MTIF2: variants seen among roughly 807,000 people sequenced by gnomAD.
The protein encoded by MTIF2 is mitochondrial translational initiation factor 2, also known as translation initiation factor IF-2, mitochondrial.
A neutral mutation model predicts 83.5 loss-of-function variants in MTIF2; 71 were observed. The ratio of observed to expected loss-of-function variants is 0.85; its 90% CI spans 0.70 to 1.04. MTIF2 has a LOEUF of 1.04. Ranked by LOEUF, MTIF2 falls within the 50% of genes least tolerant of loss-of-function variation. MTIF2 has a pLI of 0.00. For synonymous variants in MTIF2, 319 were observed against 287.1 expected, an observed-to-expected ratio of 1.11 and a Z score of -1.12; for missense variants, 957 against 846.5, an observed-to-expected ratio of 1.13 and a Z score of -1.62.
At chr2:55,250,389 G>GA (rs1677010148) in intron 8 of MTIF2, among the ~76,000 whole-genome samples, 1 of 144,970 alleles carries the variant, frequency 6.9e-6, no homozygotes, top group Non-Finnish European at 1.5e-5. Flanking sequence ...CTAAAAGCAA[G>GA]ATCAGTAAGT....
intron 7 of MTIF2, among the ~76,000 whole-genome samples, chr2:55,253,398 G>A (rs1203994428): frequency 1.3e-5 from 2 of 152,178 alleles, no homozygotes; most frequent in Non-Finnish European, 2.9e-5. Context: ...ACAATTTTCA[G>A]CCAGGCGCGG....
At chr2:55,255,070 C>A (rs568298062) in intron 5 of MTIF2, among the ~76,000 whole-genome samples, 1 of 151,814 alleles carries the variant, frequency 6.6e-6, no homozygotes, top group African/African-American at 2.4e-5. Context: ...GTATTCTAAG[C>A]CATCTGAATC....
At chr2:55,242,018 C>T (rs1310024460) in intron 13 of MTIF2, among the ~76,000 whole-genome samples, 21 of 149,930 alleles carry the variant, frequency 1.4e-4, no homozygotes, top group African/African-American at 4.9e-4. Context: ...TGGTGGTGCA[C>T]GCCTATAATC....
rs371808645 is a variant in MTIF2, at chr2:55,243,591, T to C, written c.1389A>G (p.Ile463Met). ...CTTTGTGTTCCTTTCGCTTTTCTTC[T>C]ATTATTTTCAGATCCTCCTGACCTT... ...QEKGQEDLKI[I>M]EEKRKEHKEA... is the part of the protein sequence containing the mutation. The change falls in exon 12 of 16, where the codon ATA (isoleucine) becomes ATG (methionine). Residue 463 changes from isoleucine (I) to methionine (M), a missense_variant. Ile to Met is a conservative substitution (Grantham distance 10, BLOSUM62 1). This residue lies in a region of MTIF2 where 733 missense variants were observed against 648.7 expected (regional missense o/e 1.13). Coordinates refer to ENST00000263629, the MANE Select transcript of MTIF2 (RefSeq NM_002453.3). The C allele has an allele frequency of 9.7e-5, 156 of 1,614,020 alleles. No individual in the cohort carries two copies. The highest frequency in any genetic ancestry group is 1.3e-4 in the Non-Finnish European group (151 of 1,180,016).
intron 5 of MTIF2, among the ~76,000 whole-genome samples, chr2:55,261,960 A>G (rs1018028529): frequency 2.6e-5 from 4 of 151,152 alleles, no homozygotes; most frequent in Non-Finnish European, 5.9e-5. Context: ...AAAAAAAGAA[A>G]GAAAAAAGAA....
intron 5 of MTIF2, among the ~76,000 whole-genome samples, chr2:55,260,664 G>A (rs1677899088): frequency 6.6e-6 from 1 of 152,064 alleles, no homozygotes; most frequent in African/African-American, 2.4e-5. Flanking sequence ...TGGAAATAGT[G>A]GGTAATTACT....
In MTIF2 at chr2:55,257,363, C is replaced by A. The variant is rs192410696; in HGVS notation, c.332-2538G>T. On this transcript the variant is annotated intron_variant, in intron 5 of 15. Coordinates refer to ENST00000263629, the MANE Select transcript of MTIF2 (RefSeq NM_002453.3). Reference sequence around the variant, plus strand: ...GGGCATGGTGGCACGCACCTGTAATCCCAGCTGCTCCAGAGGTTAAAGCAG... The same window carrying A: ...GGGCATGGTGGCACGCACCTGTAATACCAGCTGCTCCAGAGGTTAAAGCAG... 7.2e-3 allele frequency among the ~76,000 whole-genome samples: 1,097 copies of A among 152,178 alleles called. 12 individuals are homozygous for A. Among genetic ancestry groups the A allele is most frequent in the Non-Finnish European group, 0.011 (732 of 67,996 alleles).
At chr2:55,241,605 G>A (rs1008258443) in intron 13 of MTIF2, among the ~76,000 whole-genome samples, 6 of 152,170 alleles carry the variant, frequency 3.9e-5, no homozygotes, top group African/African-American at 1.4e-4. Flanking sequence ...GACTTTGGGA[G>A]GCCGAGGTGG....
In MTIF2 at chr2:55,243,559, T is replaced by C; in HGVS notation, c.1421A>G (p.His474Arg). 1 of 1,614,164 alleles carries C rather than the reference T, an allele frequency of 6.2e-7. No homozygotes were observed. The change falls in exon 12 of 16, where the codon CAT becomes CGT. Residue 474 changes from histidine to arginine, a missense_variant. Physicochemically the swap from His to Arg is conservative, Grantham distance 29. Coordinates refer to ENST00000263629, the MANE Select transcript of MTIF2 (RefSeq NM_002453.3). ...EEKRKEHKEA[H>R]QKAREKYGHL... Reference sequence around the variant, plus strand: ...GCCATACTTCTCACGGGCTTTCTGATGTGCTTCTTTGTGTTCCTTTCGCTT... The same window carrying C: ...GCCATACTTCTCACGGGCTTTCTGACGTGCTTCTTTGTGTTCCTTTCGCTT...
intron 3 of MTIF2, among the ~76,000 whole-genome samples, chr2:55,264,112 A>G (rs1420513488): frequency 2.0e-5 from 3 of 152,228 alleles, no homozygotes; most frequent in Non-Finnish European, 2.9e-5. Context: ...TTGAAATACA[A>G]TAACAACTTG....
intron 9 of MTIF2, among the ~76,000 whole-genome samples, chr2:55,246,794 T>G (rs547055054): frequency 1.3e-5 from 2 of 152,320 alleles, no homozygotes; most frequent in Admixed American, 6.5e-5. Flanking sequence ...AATGCTTCAT[T>G]CATTTTCTTT....
Position 55,237,366 on chromosome 2 carries a change from C to T in MTIF2, c.1933G>A (p.Gly645Ser), listed in dbSNP as rs765578165. The T allele has an allele frequency of 1.9e-5, 31 of 1,612,806 alleles. No individual in the cohort carries two copies. Among genetic ancestry groups the T allele is most frequent in the Non-Finnish European group, 1.9e-5 (23 of 1,179,882 alleles). Reference protein sequence around the residue: ...TEGKKKVPVAGCRVQKGQLEK... With the variant: ...TEGKKKVPVASCRVQKGQLEK... The stretch of plus-strand genomic sequence containing the variant: ...AACTGTCCCTTTTGGACTCTGCAGC[C>T]AGCCACAGGAACTTTTTTCTTCCCT... The change falls in exon 15 of 16, where the codon GGC becomes AGC. Residue 645 changes from glycine (G) to serine (S), a missense_variant. Around this residue, in one of 3 missense-constraint regions of MTIF2, gnomAD observed 221 missense variants for 180.6 expected, o/e 1.22. Coordinates refer to ENST00000263629, the MANE Select transcript of MTIF2 (RefSeq NM_002453.3).
chr2:55,266,681 T>C (rs1256684420), intron 3 of MTIF2, among the ~76,000 whole-genome samples: 1 of 149,630 alleles, frequency 6.7e-6, no homozygotes, highest in Non-Finnish European at 1.5e-5. Context: ...ATGATAATAG[T>C]TATTTGATGT....
intron 15 of MTIF2, 36 bp downstream of exon 15, chr2:55,237,252 G>A: frequency 6.3e-7 from 1 of 1,589,146 alleles, no homozygotes. Context: ...CTTGGTGACT[G>A]GATATGCTAT....
intron 2 of MTIF2, among the ~76,000 whole-genome samples, chr2:55,268,055 C>A (rs575200608): frequency 6.6e-6 from 1 of 151,996 alleles, no homozygotes; most frequent in Non-Finnish European, 1.5e-5. Flanking sequence ...GAGTTCGAGA[C>A]CAGCCTGGCC....
At chr2:55,254,465 A>T (rs991972024) in intron 6 of MTIF2, among the ~76,000 whole-genome samples, 189 bp downstream of exon 6, 4 of 152,232 alleles carry the variant, frequency 2.6e-5, no homozygotes, top group African/African-American at 9.6e-5. Flanking sequence ...GCAAATTTTT[A>T]AAAAATCCTT....
chr2:55,263,091 G>A lies in MTIF2; in HGVS notation c.219+549C>T, dbSNP rs112549445. ...TTGGCCAGGACGGTCTCGAACTCTT[G>A]ACCTTGTGATCTGCCCACCTTGGCC... On this transcript the variant is annotated intron_variant, in intron 4 of 15. Coordinates refer to ENST00000263629, the MANE Select transcript of MTIF2 (RefSeq NM_002453.3). Among the ~76,000 whole-genome samples the A allele has an allele frequency of 8.1e-3, 1,230 of 152,248 alleles. 18 individuals are homozygous for A. The highest frequency in any genetic ancestry group is 0.028 in the African/African-American group (1,168 of 41,542).
chr2:55,240,363 C>T (rs1274781738), intron 13 of MTIF2, among the ~76,000 whole-genome samples, 188 bp from the exon 14 acceptor site: 2 of 152,138 alleles, frequency 1.3e-5, no homozygotes, highest in African/African-American at 2.4e-5. Flanking sequence ...GGTGGATCGC[C>T]TGAGGTCAGG....
intron 7 of MTIF2, among the ~76,000 whole-genome samples, chr2:55,253,181 T>C (rs1279035981): frequency 6.6e-6 from 1 of 152,184 alleles, no homozygotes; most frequent in Non-Finnish European, 1.5e-5. Flanking sequence ...TACCTTATGA[T>C]GTTGTTGTCA....
Sources: allele counts gnomAD v4.1 joint callset (sites outside exome capture counted in the v4.1 genomes callset), GRCh38; gene constraint gnomAD v4.1.1; regional missense constraint gnomAD v4.1.1; transcripts MANE v1.5; gene names NCBI Gene and HGNC (gene_info 2026-07-23, HGNC 2026-07-21).